SMYD3: variants seen among roughly 807,000 people sequenced by gnomAD.
SMYD3 encodes SET and MYND domain containing 3.
Under a neutral mutation model 57.7 loss-of-function variants are expected in SMYD3, and 36 were observed. The ratio of observed to expected loss-of-function variants is 0.62; its 90% CI spans 0.48 to 0.82. The LOEUF is 0.82. SMYD3 is among the 40% of genes least tolerant of loss of function. SMYD3 has a pLI of 0.00. For synonymous variants in SMYD3, 211 were observed against 195.0 expected (o/e 1.08, Z -0.68); for missense variants, 515 against 538.8 (o/e 0.96, Z 0.44).
In SMYD3 at chr1:245,823,985, C is replaced by T. The variant is rs2049323462; in HGVS notation, c.1076+34511G>A. On this transcript the variant is annotated intron_variant, in intron 10 of 11. Coordinates refer to ENST00000490107, the MANE Select transcript of SMYD3 (RefSeq NM_001167740.2). ...GCATGGCCAGAATGACAGCAGATGT[C>T]AGCTCTGGACTCTTAAGGACCCAAA... is the stretch of plus-strand genomic sequence containing the variant. Among the ~76,000 whole-genome samples the T allele has an allele frequency of 4.6e-5, 7 of 152,300 alleles. No individual in the cohort carries two copies. In the South Asian group the frequency reaches 1.5e-3, roughly 32 times the overall value.
chr1:246,088,870 TAC>T (rs1447261763), intron 5 of SMYD3, among the ~76,000 whole-genome samples: 1 of 152,222 alleles, frequency 6.6e-6, no homozygotes, highest in African/African-American at 2.4e-5. Context: ...TATGTGTACA[TAC>T]ACACACATAT....
At chr1:245,904,522 T>C (rs1390454565) in intron 8 of SMYD3, among the ~76,000 whole-genome samples, 6 of 152,206 alleles carry the variant, frequency 3.9e-5, no homozygotes, top group Non-Finnish European at 8.8e-5. Flanking sequence ...TCACCTGATG[T>C]TGCCCACAGA....
intron 5 of SMYD3, among the ~76,000 whole-genome samples, chr1:245,986,517 A>G (rs1175652195): frequency 6.6e-6 from 1 of 152,226 alleles, no homozygotes; most frequent in Non-Finnish European, 1.5e-5. Context: ...CTTTTATACT[A>G]TTATGATGCC....
chr1:246,191,878 G>A (rs1188583357), intron 5 of SMYD3, among the ~76,000 whole-genome samples: 3 of 152,150 alleles, frequency 2.0e-5, no homozygotes, highest in Non-Finnish European at 2.9e-5. Flanking sequence ...AAATGCAGTT[G>A]AGTCCCACCC....
chr1:246,222,167 C>T (rs1404318460), intron 5 of SMYD3, among the ~76,000 whole-genome samples: 6 of 152,022 alleles, frequency 3.9e-5, no homozygotes, highest in Admixed American at 1.3e-4. Flanking sequence ...ATTCAGAAAT[C>T]CTGTATAAAG....
chr1:246,216,927 T>G (rs1267452748), intron 5 of SMYD3, among the ~76,000 whole-genome samples: 1 of 152,018 alleles, frequency 6.6e-6, no homozygotes, highest in Non-Finnish European at 1.5e-5. Flanking sequence ...GACTGGAAAG[T>G]CTAAAACCAA....
At chr1:246,140,030 C>CA (rs1290939267) in intron 5 of SMYD3, among the ~76,000 whole-genome samples, 2 of 152,096 alleles carry the variant, frequency 1.3e-5, no homozygotes, top group Non-Finnish European at 2.9e-5. Flanking sequence ...TGATCGAAGA[C>CA]AAAACATAAG....
intron 5 of SMYD3, among the ~76,000 whole-genome samples, chr1:246,070,800 C>A (rs1166631512): frequency 1.3e-5 from 2 of 152,164 alleles, no homozygotes; most frequent in African/African-American, 4.8e-5. Flanking sequence ...TAAGGGTCAG[C>A]AGAACAAGCC....
chr1:245,785,835 A>T (rs1436502813), intron 10 of SMYD3, among the ~76,000 whole-genome samples: 1 of 152,064 alleles, frequency 6.6e-6, no homozygotes, highest in Non-Finnish European at 1.5e-5. Flanking sequence ...AGTAGCTAGG[A>T]CTACAGGTGT....
rs116226798 is a variant in SMYD3 at position 245,838,392 on chromosome 1, C to T, written c.1076+20104G>A. The stretch of plus-strand genomic sequence containing the variant: ...AGTTGGAAGCCACACCTTCACCCTG[C>T]GGGGGATGAGGAGGGCTAATGGTGG... On this transcript the variant is annotated intron_variant, in intron 10 of 11. Coordinates refer to ENST00000490107, the MANE Select transcript of SMYD3 (RefSeq NM_001167740.2). Among the ~76,000 whole-genome samples the T allele has an allele frequency of 3.1e-3, 479 of 152,222 alleles. 2 individuals are homozygous for T. The highest frequency in any genetic ancestry group is 8.9e-3 in the South Asian group (43 of 4,818).
At chr1:246,363,359 G>A (rs1395073023) in intron 1 of SMYD3, among the ~76,000 whole-genome samples, 8 of 150,252 alleles carry the variant, frequency 5.3e-5, no homozygotes, top group African/African-American at 9.8e-5. Flanking sequence ...GCCTCTGCCC[G>A]GCCGCCCCTA....
chr1:246,227,592 G>A (rs2063348359), intron 5 of SMYD3, among the ~76,000 whole-genome samples: 1 of 151,986 alleles, frequency 6.6e-6, no homozygotes, highest in South Asian at 2.1e-4. Flanking sequence ...TCCAGCCTGG[G>A]TGACAGAGTG....
chr1:245,934,763 T>C (rs1558510324), intron 5 of SMYD3, among the ~76,000 whole-genome samples: 1 of 150,590 alleles, frequency 6.6e-6, no homozygotes, highest in Non-Finnish European at 1.5e-5. Flanking sequence ...CAATTTCAAT[T>C]AAAAAAAAAA....
intron 1 of SMYD3, among the ~76,000 whole-genome samples, chr1:246,373,173 AT>A (rs756853936): frequency 5.3e-5 from 8 of 152,076 alleles, no homozygotes; most frequent in Non-Finnish European, 7.4e-5. Context: ...AATTGGGGTG[AT>A]TTCCCCCTCC....
At chr1:246,438,381 C>T (rs1462102556) in intron 1 of SMYD3, among the ~76,000 whole-genome samples, 2 of 152,038 alleles carry the variant, frequency 1.3e-5, no homozygotes, top group Admixed American at 6.6e-5. Context: ...AATTTTCAAC[C>T]ATCAAGAGCA....
At chr1:246,154,482 T>G (rs2061991005) in intron 5 of SMYD3, among the ~76,000 whole-genome samples, 2 of 152,206 alleles carry the variant, frequency 1.3e-5, no homozygotes, top group Non-Finnish European at 2.9e-5. Context: ...TATTAGAAAT[T>G]GAAACCAATA....
intron 10 of SMYD3, among the ~76,000 whole-genome samples, chr1:245,856,138 G>C (rs1184968128): frequency 1.3e-5 from 2 of 152,156 alleles, no homozygotes; most frequent in African/African-American, 4.8e-5. Flanking sequence ...AGGGTTGCAG[G>C]GTACCTGACC....
intron 10 of SMYD3, among the ~76,000 whole-genome samples, chr1:245,842,785 T>C (rs1292149748): frequency 6.6e-6 from 1 of 152,134 alleles, no homozygotes; most frequent in East Asian, 1.9e-4. Flanking sequence ...CAAAGCTAAC[T>C]GTTACCTCGA....
intron 5 of SMYD3, among the ~76,000 whole-genome samples, chr1:246,233,671 A>G (rs201021915): frequency 0.039 from 4,216 of 107,832 alleles, 8 homozygotes; most frequent in East Asian, 0.2. Context: ...TACCACACAG[A>G]GGAGAAGCAC....
Sources: gnomAD v4.1 joint callset for allele counts (sites outside exome capture counted in the v4.1 genomes callset) on GRCh38, gnomAD v4.1.1 for gene constraint, MANE v1.5 for transcripts, NCBI Gene and HGNC (gene_info 2026-07-23, HGNC 2026-07-21) for gene names.